Variants in PLCH1 observed in about 807,000 individuals in gnomAD.
PLCH1 encodes the protein 1-phosphatidylinositol 4,5-bisphosphate phosphodiesterase eta-1.
In PLCH1, 60 loss-of-function variants were observed where a neutral mutation model predicts 126.7. The observed-to-expected ratio is 0.47, with a 90% CI of 0.38 to 0.59. The LOEUF is 0.59. Ranked by LOEUF, PLCH1 falls within the 20% of genes least tolerant of loss-of-function variation. PLCH1 has a pLI of 0.00. For synonymous variants in PLCH1, 719 were observed against 734.9 expected (o/e 0.98, Z 0.35); for missense variants, 1,723 against 2,040.0 (o/e 0.84, Z 2.99).
intron 8 of PLCH1, among the ~76,000 whole-genome samples, chr3:155,554,720 G>T (rs1234078743): frequency 6.6e-6 from 1 of 152,146 alleles, no homozygotes; most frequent in African/African-American, 2.4e-5. Flanking sequence ...AACTTCCTAA[G>T]TTCAAATCCT....
chr3:155,542,261 G>A (rs1461068136), intron 10 of PLCH1, among the ~76,000 whole-genome samples: 1 of 152,208 alleles, frequency 6.6e-6, no homozygotes, highest in Non-Finnish European at 1.5e-5. Flanking sequence ...AGGGTCCTAC[G>A]CCCATGGAGT....
At chr3:155,530,850 T>G (rs1354759716) in intron 10 of PLCH1, among the ~76,000 whole-genome samples, 1 of 152,234 alleles carries the variant, frequency 6.6e-6, no homozygotes, top group Non-Finnish European at 1.5e-5. Context: ...AAAGTATATT[T>G]CTTAAATAAT....
chr3:155,682,642 C>T (rs1011924962), intron 2 of PLCH1, among the ~76,000 whole-genome samples: 1 of 152,218 alleles, frequency 6.6e-6, no homozygotes, highest in Non-Finnish European at 1.5e-5. Context: ...AGCTGAGCCT[C>T]AGCAGCTCCC....
At chr3:155,610,751 A>G (rs573245200) in intron 2 of PLCH1, among the ~76,000 whole-genome samples, 1 of 151,818 alleles carries the variant, frequency 6.6e-6, no homozygotes, top group Non-Finnish European at 1.5e-5. Context: ...ACACCAAAAC[A>G]GAAGCTCCTT....
intron 10 of PLCH1, among the ~76,000 whole-genome samples, chr3:155,538,015 C>T (rs1315601107): frequency 6.6e-6 from 1 of 151,798 alleles, no homozygotes. Flanking sequence ...CAAGTCTCAA[C>T]GAATTTAAGA....
At chr3:155,520,569 G>A (rs1262982997) in intron 11 of PLCH1, among the ~76,000 whole-genome samples, 2 of 152,174 alleles carry the variant, frequency 1.3e-5, no homozygotes, top group African/African-American at 2.4e-5. Flanking sequence ...CTCAGCAGAA[G>A]CAGAAAAAAA....
intron 21 of PLCH1, among the ~76,000 whole-genome samples, chr3:155,471,866 T>G (rs1031528022): frequency 1.2e-4 from 19 of 152,058 alleles, no homozygotes; most frequent in African/African-American, 4.6e-4. Context: ...ATAAAGATGT[T>G]CTTTGAAACC....
rs140726911 is a variant in PLCH1, at chr3:155,568,307, C to T, written c.789G>A (p.Thr263=). ...KVEQKMNNVT[T]DYCLDIIKKF... ...TCTTTATGATGTCAAGACAATAGTC[C>T]GTTGTCACATTATTCATCTAAGAAA... The change falls in exon 7 of 23, where the codon ACG becomes ACA. Residue 263 remains threonine (T), a synonymous_variant. Transcript: ENST00000460012. 3.3e-5 allele frequency: 49 copies of T among 1,504,438 alleles called. No individual in the cohort carries two copies. Among genetic ancestry groups the T allele is most frequent in the African/African-American group, 2.9e-4 (21 of 72,690 alleles). 93.2% of individuals were successfully genotyped at this position (1,504,438 alleles called of 1,614,324 possible). A position where few individuals can be genotyped will look rare whatever the true frequency, so the allele number is the denominator to read the frequency against.
At chr3:155,661,119 C>T (rs1202898217) in intron 2 of PLCH1, among the ~76,000 whole-genome samples, 3 of 152,150 alleles carry the variant, frequency 2.0e-5, no homozygotes, top group Admixed American at 6.5e-5. Flanking sequence ...GGTTAGGATT[C>T]GGCACTCTCA....
chr3:155,739,543 G>A (rs1187034456), intron 1 of PLCH1, among the ~76,000 whole-genome samples: 1 of 152,004 alleles, frequency 6.6e-6, no homozygotes, highest in Non-Finnish European at 1.5e-5. Context: ...CTCCATGTAG[G>A]GAATGCAGTT....
At chr3:155,549,165 G>A (rs956832413) in intron 10 of PLCH1, among the ~76,000 whole-genome samples, 3 of 152,122 alleles carry the variant, frequency 2.0e-5, no homozygotes, top group Admixed American at 6.5e-5. Flanking sequence ...CTGTCTTTCT[G>A]GCTATTCTTT....
At position 155,538,583 on chromosome 3, in the gene PLCH1, C is replaced by T. The variant is rs1266149648; in HGVS notation, c.1362+11204G>A. ...ATGAGAGATATTACAACCGATATCACAGAAATACAAAAGTTCATTCAAGGA... is the reference window on the plus strand; with the variant it reads ...ATGAGAGATATTACAACCGATATCATAGAAATACAAAAGTTCATTCAAGGA... On this transcript the variant is annotated intron_variant, in intron 10 of 22. Coordinates refer to ENST00000460012, the MANE Select transcript of PLCH1 (RefSeq NM_014996.4). Among the ~76,000 whole-genome samples, 5 of 152,010 alleles carry T rather than the reference C, an allele frequency of 3.3e-5. No individual in the cohort carries two copies. The East Asian group carries it at 7.7e-4, about 23-fold the overall frequency.
intron 15 of PLCH1, among the ~76,000 whole-genome samples, chr3:155,497,076 T>A (rs997010476): frequency 6.6e-6 from 1 of 152,172 alleles, no homozygotes; most frequent in South Asian, 2.1e-4. Context: ...AGTAATAAAG[T>A]CCTCTTTGGC....
chr3:155,645,671 A>T (rs977080243), intron 2 of PLCH1, among the ~76,000 whole-genome samples: 1 of 151,664 alleles, frequency 6.6e-6, no homozygotes, highest in African/African-American at 2.4e-5. Flanking sequence ...AGTAGTGACC[A>T]GGTCTCACTA....
At chr3:155,560,928 C>T (rs1402780031) in intron 8 of PLCH1, among the ~76,000 whole-genome samples, 7 of 152,154 alleles carry the variant, frequency 4.6e-5, no homozygotes, top group Admixed American at 2.6e-4. Flanking sequence ...GAGGGCACTA[C>T]TTCCTTTCTC....
chr3:155,501,333 GA>G (rs1192864125), intron 13 of PLCH1, among the ~76,000 whole-genome samples: 2 of 151,912 alleles, frequency 1.3e-5, no homozygotes, highest in Non-Finnish European at 1.5e-5. Flanking sequence ...CTAGCAGCAG[GA>G]AAAAAAATTG....
intron 10 of PLCH1, among the ~76,000 whole-genome samples, chr3:155,545,865 G>C (rs775976333): frequency 6.6e-6 from 1 of 152,048 alleles, no homozygotes; most frequent in Non-Finnish European, 1.5e-5. Context: ...TCTCAATAAA[G>C]TAGGTATTGA....
chr3:155,653,962 G>A (rs553011906), intron 2 of PLCH1, among the ~76,000 whole-genome samples: 1 of 151,428 alleles, frequency 6.6e-6, no homozygotes, highest in Non-Finnish European at 1.5e-5. Context: ...AAAAAAAATT[G>A]TCTGTCTCCA....
At chr3:155,488,899 G>A in intron 19 of PLCH1, 93 bp from the exon 20 acceptor site, 1 of 1,093,714 alleles carries the variant, frequency 9.1e-7, no homozygotes, top group Admixed American at 2.5e-5. Flanking sequence ...GGTGAAAATT[G>A]CTTGCAATGG....
Sources: gnomAD v4.1 joint callset for allele counts (sites outside exome capture counted in the v4.1 genomes callset) on GRCh38, gnomAD v4.1.1 for gene constraint, MANE v1.5 for transcripts, NCBI Gene and HGNC (gene_info 2026-07-23, HGNC 2026-07-21) for gene names.